ASTN2: variants seen among roughly 807,000 people sequenced by gnomAD.
ASTN2 encodes the protein astrotactin 2.
A neutral mutation model predicts 139.8 loss-of-function variants in ASTN2; 54 were observed. The observed-to-expected ratio is 0.39, with a 90% confidence interval of 0.31 to 0.48. The LOEUF is 0.48. Ranked by LOEUF, ASTN2 falls within the 20% of genes least tolerant of loss-of-function variation. ASTN2 has a pLI of 0.95. For missense variants in ASTN2, 1,565 were observed against 1,725.1 expected (o/e 0.91, Z 1.64); for synonymous variants, 756 against 719.5 (o/e 1.05, Z -0.81).
intron 10 of ASTN2, among the ~76,000 whole-genome samples, chr9:116,890,006 C>T (rs984830014): frequency 1.3e-5 from 2 of 152,160 alleles, no homozygotes; most frequent in African/African-American, 4.8e-5. Flanking sequence ...AACTAATTCT[C>T]TCCTCCTTAT....
chr9:116,890,429 A>G (rs10817955), intron 10 of ASTN2, among the ~76,000 whole-genome samples: 2 of 152,034 alleles, frequency 1.3e-5, no homozygotes, highest in Non-Finnish European at 2.9e-5. Context: ...TTATTTTATG[A>G]TATAATCAAG....
intron 1 of ASTN2, among the ~76,000 whole-genome samples, chr9:117,347,071 G>A (rs1346791499): frequency 6.6e-6 from 1 of 152,120 alleles, no homozygotes; most frequent in Non-Finnish European, 1.5e-5. Flanking sequence ...GAGGTGGGAT[G>A]ACCTGGTATA....
At chr9:116,662,380 C>T (rs889778704) in intron 16 of ASTN2, among the ~76,000 whole-genome samples, 1 of 152,080 alleles carries the variant, frequency 6.6e-6, no homozygotes. Flanking sequence ...CAAGACCAGC[C>T]TGGCCAATAT....
chr9:116,631,348 A>G (rs1856736044), intron 17 of ASTN2, among the ~76,000 whole-genome samples: 1 of 152,232 alleles, frequency 6.6e-6, no homozygotes, highest in African/African-American at 2.4e-5. Flanking sequence ...GGATAAAGAA[A>G]ATGTGATGTA....
intron 19 of ASTN2, among the ~76,000 whole-genome samples, chr9:116,599,453 C>T (rs1312634661): frequency 6.6e-6 from 1 of 152,250 alleles, no homozygotes. Context: ...CTATCATCTA[C>T]ATGCCCCAGG....
At chr9:116,675,753 T>A (rs1859463162) in intron 16 of ASTN2, among the ~76,000 whole-genome samples, 1 of 152,108 alleles carries the variant, frequency 6.6e-6, no homozygotes, top group Non-Finnish European at 1.5e-5. Flanking sequence ...TAGTTACATT[T>A]GGTGAGCCCT....
At chr9:117,220,370 G>A (rs1445825707) in intron 2 of ASTN2, among the ~76,000 whole-genome samples, 1 of 152,168 alleles carries the variant, frequency 6.6e-6, no homozygotes, top group East Asian at 1.9e-4. Flanking sequence ...AAAGTGTGAT[G>A]CTCCCTCTTC....
Position 117,141,417 on chromosome 9 carries a change from G to T in ASTN2, c.1077C>A (p.Phe359Leu). 7.3e-7 allele frequency: 1 copy of T among 1,367,512 alleles called. No homozygotes were observed. The highest frequency in any genetic ancestry group is 9.8e-7 in the Non-Finnish European group (1 of 1,021,812). 84.7% of individuals were successfully genotyped at this position (1,367,512 alleles called of 1,614,324 possible). Reference sequence around the variant, plus strand: ...CGATCTCGATGGGCGTGTTAGCGCGGAAACTCTCCTTGAACTTCTGCATCA... The same window carrying T: ...CGATCTCGATGGGCGTGTTAGCGCGTAAACTCTCCTTGAACTTCTGCATCA... ...ESLMQKFKES[F>L]RANTPIEIGQ... Residue 359 changes from phenylalanine to leucine, a missense_variant, in exon 4 of 23, where the codon TTC becomes TTA. Coordinates refer to ENST00000313400, the MANE Select transcript of ASTN2 (RefSeq NM_001365068.1).
chr9:117,288,725 G>A (rs1050692231), intron 2 of ASTN2, among the ~76,000 whole-genome samples: 1 of 152,224 alleles, frequency 6.6e-6, no homozygotes, highest in African/African-American at 2.4e-5. Flanking sequence ...AGAATGACAA[G>A]GGTAGAGTCT....
intron 13 of ASTN2, among the ~76,000 whole-genome samples, chr9:116,738,004 A>C (rs1828986866): frequency 1.3e-5 from 2 of 150,556 alleles, no homozygotes; most frequent in Non-Finnish European, 3.0e-5. Flanking sequence ...CATCCTGGCT[A>C]ACACGGTGAA....
chr9:117,289,008 C>CAT (rs1834518226), intron 2 of ASTN2, among the ~76,000 whole-genome samples: 1 of 152,186 alleles, frequency 6.6e-6, no homozygotes. Context: ...ACAAAGGGCT[C>CAT]ATACCCGAGT....
intron 19 of ASTN2, among the ~76,000 whole-genome samples, chr9:116,590,526 G>C (rs1854336822): frequency 6.6e-6 from 1 of 152,242 alleles, no homozygotes; most frequent in South Asian, 2.1e-4. Context: ...CCTGGTGCCA[G>C]GGATGGCAGG....
At chr9:116,668,240 G>A (rs1466446870) in intron 16 of ASTN2, among the ~76,000 whole-genome samples, 1 of 149,926 alleles carries the variant, frequency 6.7e-6, no homozygotes, top group African/African-American at 2.5e-5. Context: ...CACCCAGGCT[G>A]GAGTACAGTT....
intron 19 of ASTN2, among the ~76,000 whole-genome samples, chr9:116,571,992 G>A (rs772287121): frequency 5.3e-5 from 8 of 152,086 alleles, no homozygotes; most frequent in Non-Finnish European, 1.2e-4. Context: ...GGGATGGATT[G>A]CATTCATTTG....
At chr9:117,323,145 T>C (rs1587946681) in intron 1 of ASTN2, among the ~76,000 whole-genome samples, 1 of 151,888 alleles carries the variant, frequency 6.6e-6, no homozygotes, top group Non-Finnish European at 1.5e-5. Context: ...AGAGACAGAG[T>C]GACTCATTTT....
intron 10 of ASTN2, among the ~76,000 whole-genome samples, chr9:116,912,305 C>A (rs1834333420): frequency 6.6e-6 from 1 of 152,220 alleles, no homozygotes; most frequent in Non-Finnish European, 1.5e-5. Context: ...CTGTACCATG[C>A]AACCCATAAT....
intron 10 of ASTN2, among the ~76,000 whole-genome samples, chr9:116,949,028 A>G (rs949557071): frequency 6.6e-6 from 1 of 151,824 alleles, no homozygotes; most frequent in Admixed American, 6.6e-5. Flanking sequence ...GGACCTGGTG[A>G]TCTGCCCACC....
chr9:116,728,531 G>A (rs547707762), intron 15 of ASTN2, among the ~76,000 whole-genome samples: 11 of 152,312 alleles, frequency 7.2e-5, no homozygotes, highest in African/African-American at 2.4e-4. Context: ...CATGTAAAGG[G>A]ATGGGGGTGT....
At chr9:116,975,483 G>A in intron 9 of ASTN2, 138 bp from the exon 10 acceptor site, 1 of 834,472 alleles carries the variant, frequency 1.2e-6, no homozygotes, top group Non-Finnish European at 1.7e-6. Flanking sequence ...AAGGAACAAT[G>A]TTGGCCAACT....
Sources: gnomAD v4.1 joint callset for allele counts (sites outside exome capture counted in the v4.1 genomes callset) on GRCh38, gnomAD v4.1.1 for gene constraint, MANE v1.5 for transcripts, NCBI Gene and HGNC (gene_info 2026-07-23, HGNC 2026-07-21) for gene names.